The following MUSK variants were observed in gnomAD, a reference collection of about 807,000 sequenced individuals.
The protein encoded by MUSK is muscle associated receptor tyrosine kinase.
MUSK carries 55 observed loss-of-function variants against 88.7 expected under a neutral mutation model. The ratio of observed to expected loss-of-function variants is 0.62; its 90% CI spans 0.50 to 0.78. The LOEUF (loss-of-function observed/expected upper bound fraction) is 0.78. Ranked by LOEUF, MUSK falls within the 30% of genes least tolerant of loss-of-function variation. The probability of loss-of-function intolerance (pLI) is 0.00; values close to 1 mark genes in which losing one functional copy is unlikely to be tolerated. For missense variants in MUSK, 1,015 were observed against 1,074.3 expected, an observed-to-expected ratio of 0.94 and a Z score of 0.77; for synonymous variants, 387 against 391.9, an observed-to-expected ratio of 0.99 and a Z score of 0.15.
At chr9:110,723,019 C>A (rs1436187753) in intron 5 of MUSK, among the ~76,000 whole-genome samples, 1 of 152,032 alleles carries the variant, frequency 6.6e-6, no homozygotes, top group East Asian at 1.9e-4. Flanking sequence ...ATCCAGCAAT[C>A]CCACTACTAG....
chr9:110,768,175 T>A, intron 9 of MUSK, 92 bp downstream of exon 9: 1 of 1,302,246 alleles, frequency 7.7e-7, no homozygotes, highest in Non-Finnish European at 1.1e-6. Context: ...TATGCAACAG[T>A]AAAAGGAAAA....
chr9:110,711,048 A>G (rs573993436), intron 5 of MUSK, among the ~76,000 whole-genome samples: 3 of 152,276 alleles, frequency 2.0e-5, no homozygotes, highest in South Asian at 2.1e-4. Context: ...GAATTGAACA[A>G]TGAGAACACT....
intron 7 of MUSK, among the ~76,000 whole-genome samples, chr9:110,748,246 CT>C (rs2077202777): frequency 1.3e-5 from 2 of 148,452 alleles, no homozygotes; most frequent in Non-Finnish European, 1.5e-5. Context: ...ATTTCCTTTC[CT>C]TTTCCCCACT....
intron 8 of MUSK, among the ~76,000 whole-genome samples, chr9:110,766,284 C>T (rs2077484339): frequency 6.6e-6 from 1 of 152,302 alleles, no homozygotes; most frequent in African/African-American, 2.4e-5. Flanking sequence ...CTTCTTAGGC[C>T]TTCACCTTGG....
At chr9:110,742,277 A>G (rs1468066312) in intron 6 of MUSK, among the ~76,000 whole-genome samples, 1 of 152,046 alleles carries the variant, frequency 6.6e-6, no homozygotes, top group African/African-American at 2.4e-5. Flanking sequence ...ACACGGTGAA[A>G]ACCTCGTATC....
intron 1 of MUSK, among the ~76,000 whole-genome samples, chr9:110,675,330 T>G (rs1319848142): frequency 2.0e-5 from 3 of 149,086 alleles, no homozygotes; most frequent in Non-Finnish European, 4.4e-5. Context: ...CACGCCATTC[T>G]CCTGCCTCAG....
At chr9:110,723,708 CTAAATTGTGTGTCTGGCAT>C (rs1288060151) in intron 5 of MUSK, among the ~76,000 whole-genome samples, 1 of 152,032 alleles carries the variant, frequency 6.6e-6, no homozygotes. Context: ...ATTCAGTAAC[CTAAATTGTGTGTCTGGCAT>C]TTAATTGTTT....
chr9:110,706,231 T>G (rs2076596857), intron 5 of MUSK: 2 of 371,514 alleles, frequency 5.4e-6, no homozygotes, highest in Non-Finnish European at 1.1e-5. Context: ...AACTAGAAAT[T>G]TTCCTTCTGC....
intron 6 of MUSK, among the ~76,000 whole-genome samples, chr9:110,741,902 A>T (rs2077105162): frequency 6.6e-6 from 1 of 152,126 alleles, no homozygotes; most frequent in Non-Finnish European, 1.5e-5. Flanking sequence ...TGATTTTCTC[A>T]TATCTATCTA....
chr9:110,692,563 A>G (rs1478402743), intron 3 of MUSK, among the ~76,000 whole-genome samples: 2 of 151,848 alleles, frequency 1.3e-5, no homozygotes, highest in African/African-American at 4.8e-5. Context: ...TATGACTTCA[A>G]ATTTTTCTTC....
intron 6 of MUSK, among the ~76,000 whole-genome samples, chr9:110,735,355 C>T (rs968778610): frequency 3.9e-5 from 6 of 152,060 alleles, no homozygotes; most frequent in African/African-American, 1.4e-4. Context: ...GGTACATATA[C>T]ACAATGAAAG....
At chr9:110,752,380 C>G (rs78874941) in intron 7 of MUSK, among the ~76,000 whole-genome samples, 56 of 152,346 alleles carry the variant, frequency 3.7e-4, no homozygotes, top group Non-Finnish European at 6.6e-4. Context: ...GAAGCATGGC[C>G]TTATGCTCCC....
At chr9:110,743,989 G>A (rs2077137677) in intron 6 of MUSK, among the ~76,000 whole-genome samples, 1 of 147,872 alleles carries the variant, frequency 6.8e-6, no homozygotes. Flanking sequence ...TTTTCCCCAA[G>A]ATGGAGTCTT....
At position 110,802,444 on chromosome 9, in the gene MUSK, A is replaced by T. The variant is rs1057336432; in HGVS notation, c.*1456A>T. 6.6e-6 allele frequency among the ~76,000 whole-genome samples: 1 copy of T among 152,208 alleles called. No homozygotes were observed. Among genetic ancestry groups the T allele is most frequent in the African/African-American group, 2.4e-5 (1 of 41,452 alleles). On this transcript the variant is annotated 3_prime_UTR_variant, in exon 15 of 15. Coordinates refer to ENST00000374448, the MANE Select transcript of MUSK (RefSeq NM_005592.4). ...ATTCAGACTAATTGGTAGTTAGGGC[A>T]TTGGAGGAATGGTGTGAATTCTTGA...
chr9:110,738,946 C>T (rs988141283), intron 6 of MUSK, among the ~76,000 whole-genome samples: 2 of 152,114 alleles, frequency 1.3e-5, no homozygotes, highest in African/African-American at 4.8e-5. Context: ...GTGTTGGGGT[C>T]TAATCAGTCC....
intron 1 of MUSK, among the ~76,000 whole-genome samples, chr9:110,682,452 T>C (rs1384615657): frequency 6.6e-6 from 1 of 152,030 alleles, no homozygotes; most frequent in Non-Finnish European, 1.5e-5. Context: ...TATCATAAAC[T>C]CTAAGCCCTG....
At chr9:110,692,267 C>T (rs897187705) in intron 3 of MUSK, among the ~76,000 whole-genome samples, 1 of 152,048 alleles carries the variant, frequency 6.6e-6, no homozygotes, top group African/African-American at 2.4e-5. Context: ...TAAAGCAATC[C>T]TCCTGCTTCA....
chr9:110,790,549 C>A (rs536549268), intron 14 of MUSK, among the ~76,000 whole-genome samples: 2 of 152,194 alleles, frequency 1.3e-5, no homozygotes, highest in South Asian at 4.2e-4. Flanking sequence ...GATGGATTGG[C>A]CTTTGTAAAG....
In MUSK at chr9:110,800,309, T is replaced by C. The variant is rs41279055; in HGVS notation, c.1931T>C (p.Val644Ala). The C allele has an allele frequency of 3.6e-3, 5,733 of 1,604,290 alleles. 18 individuals carry two copies. The highest frequency in any genetic ancestry group is 4.1e-3 in the Non-Finnish European group (4,818 of 1,173,140). ...DNPNIVKLLG[V>A]CAVGKPMCLL... Reference sequence around the variant, plus strand: ...AGGGATGGTCTTTTGGTTCCAGGAGTGTGTGCTGTCGGGAAGCCAATGTGC... The same window carrying C: ...AGGGATGGTCTTTTGGTTCCAGGAGCGTGTGCTGTCGGGAAGCCAATGTGC... Residue 644 changes from valine (V) to alanine (A), a missense_variant, in exon 15 of 15, where the codon GTG (valine) becomes GCG (alanine). Transcript: ENST00000374448.
Sources: gnomAD v4.1 joint callset for allele counts (sites outside exome capture counted in the v4.1 genomes callset) on GRCh38, gnomAD v4.1.1 for gene constraint, MANE v1.5 for transcripts, NCBI Gene and HGNC (gene_info 2026-07-23, HGNC 2026-07-21) for gene names.